Variants in ACOT2 observed in about 807,000 individuals in gnomAD.
ACOT2 encodes the protein acyl-CoA thioesterase 2.
Under a neutral mutation model 20.1 loss-of-function variants are expected in ACOT2, and 15 were observed. The observed-to-expected ratio is 0.75, with a 90% CI of 0.50 to 1.15. The LOEUF (loss-of-function observed/expected upper bound fraction) is 1.15. Ranked by LOEUF, ACOT2 falls within the 50% of genes most tolerant of loss-of-function variation. The pLI, the probability that ACOT2 is intolerant of heterozygous loss-of-function variation, is 0.00. For synonymous variants in ACOT2, 252 were observed against 268.4 expected (o/e 0.94, Z 0.60); for missense variants, 479 against 615.3 (o/e 0.78, Z 2.34).
At position 73,575,562 on chromosome 14, in the gene ACOT2, A is replaced by G. The variant is rs1566860946; in HGVS notation, c.*49A>G. On this transcript the variant is annotated 3_prime_UTR_variant, in exon 3 of 3. Transcript: ENST00000238651. Reference sequence around the variant, plus strand: ...TCTGTTGCTAATCTCTCCTGGAAACATCTGCCACATTTAGTGTGTGTATGT... The same window carrying G: ...TCTGTTGCTAATCTCTCCTGGAAACGTCTGCCACATTTAGTGTGTGTATGT... 6.5e-7 allele frequency: 1 copy of G among 1,540,768 alleles called. No homozygotes were observed. The highest frequency in any genetic ancestry group is 8.7e-7 in the Non-Finnish European group (1 of 1,147,412).
intron 1 of ACOT2, among the ~76,000 whole-genome samples, chr14:73,572,530 C>A (rs1889777128): frequency 6.6e-6 from 1 of 150,676 alleles, no homozygotes; most frequent in Admixed American, 6.6e-5. Flanking sequence ...CACAGAAAGT[C>A]CAGGATACTG....
Position 73,569,253 on chromosome 14 carries a change from C to A in ACOT2, c.13C>A (p.Leu5Ile), listed in dbSNP as rs1889656427. Residue 5 changes from leucine (L) to isoleucine (I), a missense_variant, in exon 1 of 3, where the codon CTT (leucine) becomes ATT (isoleucine). Leu to Ile is a conservative substitution (Grantham distance 5). Around this residue, in one of 4 missense-constraint regions of ACOT2, gnomAD observed 400 missense variants for 395.5 expected, o/e 1.01. Transcript: ENST00000238651. The part of the protein sequence containing the change: MSNK[L>I]LSPHPHSVVL... ...GCAGCCCGAGAGGATGTCTAACAAG[C>A]TTCTTTCTCCCCACCCCCATTCAGT... is the stretch of plus-strand genomic sequence containing the variant. The A allele has an allele frequency of 3.1e-6, 5 of 1,613,660 alleles. No individual in the cohort carries two copies. In the East Asian group the frequency reaches 1.1e-4, roughly 36 times the overall value.
In ACOT2 at chr14:73,573,516, C is replaced by A. The variant is rs1889808952; in HGVS notation, c.772C>A (p.Leu258Ile). ...MALAYYNYED[L>I]PKTMETLHLE... ...TCTGGCTTATTATAACTATGAAGAC[C>A]TCCCCAAGACCATGGAGACGCTCCA... Residue 258 changes from leucine (L) to isoleucine (I), a missense_variant, in exon 2 of 3, where the codon CTC (leucine) becomes ATC (isoleucine). Physicochemically the swap from Leu to Ile is conservative, Grantham distance 5. Coordinates refer to ENST00000238651, the MANE Select transcript of ACOT2 (RefSeq NM_006821.6). The A allele has an allele frequency of 6.2e-7, 1 of 1,613,454 alleles. No individual in the cohort carries two copies. The highest frequency in any genetic ancestry group is 1.3e-5 in the African/African-American group (1 of 74,842).
intron 1 of ACOT2, among the ~76,000 whole-genome samples, chr14:73,572,036 T>C (rs1237384826): frequency 6.6e-6 from 1 of 150,902 alleles, no homozygotes; most frequent in African/African-American, 2.4e-5. Context: ...TGCTGACCAG[T>C]ATGTGGAGGA....
rs767441751 is a variant in ACOT2 at position 73,569,874 on chromosome 14, C to T, written c.634C>T (p.Leu212=). ...RVGRVRGTLF[L]PPEPGPFPGI... is the part of the protein sequence containing the mutation. ...GGGCCGGGTGCGAGGCACGCTCTTCCTGCCGCCAGGTGACTCACCTCCGCT... is the reference window on the plus strand; with the variant it reads ...GGGCCGGGTGCGAGGCACGCTCTTCTTGCCGCCAGGTGACTCACCTCCGCT... Residue 212 remains leucine (L), a synonymous_variant, in exon 1 of 3, where the codon CTG becomes TTG. Coordinates refer to ENST00000238651, the MANE Select transcript of ACOT2 (RefSeq NM_006821.6). The T allele has an allele frequency of 7.5e-6, 12 of 1,604,412 alleles. No individual in the cohort carries two copies. Among genetic ancestry groups the T allele is most frequent in the Non-Finnish European group, 9.4e-6 (11 of 1,176,046 alleles).
intron 2 of ACOT2, among the ~76,000 whole-genome samples, chr14:73,574,667 G>A (rs1363035903): frequency 6.6e-6 from 1 of 152,028 alleles, no homozygotes; most frequent in Non-Finnish European, 1.5e-5. Flanking sequence ...CGAGATTAAG[G>A]AACTGAGAAA....
At chr14:73,570,990 T>TA (rs199868317) in intron 1 of ACOT2, among the ~76,000 whole-genome samples, 20 of 147,354 alleles carry the variant, frequency 1.4e-4, no homozygotes, top group African/African-American at 4.7e-4. Flanking sequence ...TTTTTTTTTT[T>TA]AAATAAGAAT....
rs774234681 is a variant in ACOT2, at chr14:73,573,510, G to C, written c.766G>C (p.Glu256Gln). ...GATGGCTCTGGCTTATTATAACTATGAAGACCTCCCCAAGACCATGGAGAC... is the reference window on the plus strand; with the variant it reads ...GATGGCTCTGGCTTATTATAACTATCAAGACCTCCCCAAGACCATGGAGAC... ...AVMALAYYNY[E>Q]DLPKTMETLH... The change falls in exon 2 of 3, where the codon GAA becomes CAA. Residue 256 changes from glutamate (E) to glutamine (Q), a missense_variant. Coordinates refer to ENST00000238651, the MANE Select transcript of ACOT2 (RefSeq NM_006821.6). 1.5e-5 allele frequency: 25 copies of C among 1,613,638 alleles called. No homozygotes were observed. Among genetic ancestry groups the C allele is most frequent in the Non-Finnish European group, 1.6e-5 (19 of 1,179,694 alleles).
intron 1 of ACOT2, 100 bp downstream of exon 1, chr14:73,569,983 G>A: frequency 1.1e-5 from 16 of 1,448,550 alleles, no homozygotes; most frequent in East Asian, 2.5e-5. Flanking sequence ...CCCCCGCCGC[G>A]CCCCCGGGCT....
upstream of ACOT2, chr14:73,567,920 C>G (rs994708779): frequency 6.6e-6 from 1 of 152,120 alleles, no homozygotes; most frequent in Non-Finnish European, 1.5e-5. Context: ...CCGGACGCAT[C>G]TGAACATCAG....
Position 73,569,430 on chromosome 14 carries a change from G to T in ACOT2, c.190G>T (p.Ala64Ser). 1 of 1,613,930 alleles carries T rather than the reference G, an allele frequency of 6.2e-7. No homozygotes were observed. Among genetic ancestry groups the T allele is most frequent in the Non-Finnish European group, 8.5e-7 (1 of 1,179,794 alleles). ...GATCATTAGGGTTCCTGCTCGGATG[G>T]CGGCGACGCTGATCCTGGAGCCTGC... ...GQIIRVPARM[A>S]ATLILEPAGR... Residue 64 changes from alanine (A) to serine (S), a missense_variant, in exon 1 of 3, where the codon GCG becomes TCG. By Grantham distance (99) the Ala-to-Ser change is moderately conservative. This residue lies in a region of ACOT2 where 400 missense variants were observed against 395.5 expected (regional missense o/e 1.01). Transcript: ENST00000238651.
chr14:73,568,856 AG>A (rs1889649942), upstream of ACOT2, among the ~76,000 whole-genome samples: 1 of 152,070 alleles, frequency 6.6e-6, no homozygotes, highest in African/African-American at 2.4e-5. Flanking sequence ...AGAACACAAA[AG>A]CAAAACACCA....
Position 73,570,829 on chromosome 14 carries a change from C to T in ACOT2, c.643+946C>T, listed in dbSNP as rs530980093. On this transcript the variant is annotated intron_variant, in intron 1 of 2. Coordinates refer to ENST00000238651, the MANE Select transcript of ACOT2 (RefSeq NM_006821.6). ...TTGAGGCAGGAGAATCGCTGGAACC[C>T]GGGAGGCAGAGGTTGCAGTGAGCTG... Among the ~76,000 whole-genome samples the T allele has an allele frequency of 2.4e-4, 36 of 150,688 alleles. 1 individual carries two copies. The highest frequency in any genetic ancestry group is 8.3e-4 in the African/African-American group (34 of 40,978).
chr14:73,572,253 C>T (rs1348898198), intron 1 of ACOT2, among the ~76,000 whole-genome samples: 1 of 142,324 alleles, frequency 7.0e-6, no homozygotes, highest in Admixed American at 7.3e-5. Context: ...AACAATAGAA[C>T]AGATTAATAA....
Position 73,573,511 on chromosome 14 carries a change from A to C in ACOT2, c.767A>C (p.Glu256Ala). The stretch of plus-strand genomic sequence containing the variant: ...ATGGCTCTGGCTTATTATAACTATG[A>C]AGACCTCCCCAAGACCATGGAGACG... ...AVMALAYYNYEDLPKTMETLH... is the reference protein window; with the variant it reads ...AVMALAYYNYADLPKTMETLH... The change falls in exon 2 of 3, where the codon GAA becomes GCA. Residue 256 changes from glutamate (E) to alanine (A), a missense_variant. Physicochemically the swap from Glu to Ala is moderately radical, Grantham distance 107. Around this residue, in one of 4 missense-constraint regions of ACOT2, gnomAD observed 400 missense variants for 395.5 expected, o/e 1.01. Transcript: ENST00000238651. 6.2e-7 allele frequency: 1 copy of C among 1,613,524 alleles called. No individual in the cohort carries two copies. The highest frequency in any genetic ancestry group is 8.5e-7 in the Non-Finnish European group (1 of 1,179,696).
intron 1 of ACOT2, chr14:73,571,233 C>T (rs1350772131): frequency 6.5e-6 from 1 of 153,228 alleles, no homozygotes; most frequent in Non-Finnish European, 1.5e-5. Context: ...GGACCAGGTA[C>T]TATTGTGGCC....
intron 1 of ACOT2, chr14:73,571,747 A>C (rs1566859426): frequency 1.3e-5 from 2 of 152,148 alleles, no homozygotes; most frequent in South Asian, 4.2e-4. Context: ...TGGGGCCCAG[A>C]AATGTTCTTT....
chr14:73,573,455 T>C lies in ACOT2; in HGVS notation c.711T>C (p.Ala237=). 1.2e-6 allele frequency: 2 copies of C among 1,613,800 alleles called. No homozygotes were observed. Among genetic ancestry groups the C allele is most frequent in the Non-Finnish European group, 1.7e-6 (2 of 1,179,736 alleles). The change falls in exon 2 of 3, where the codon GCT becomes GCC. Residue 237 remains alanine, a synonymous_variant. Transcript: ENST00000238651. ...GAGGTGGCCTGCTGGAGTATCGGGC[T>C]AGTCTGCTGGCTGGGAAGGGTTTTG... ...GTGGGLLEYR[A]SLLAGKGFAV... is the part of the protein sequence containing the mutation.
At chr14:73,568,952 G>A, upstream of ACOT2, 2 of 482,674 alleles carry the variant, frequency 4.1e-6, no homozygotes, top group Non-Finnish European at 7.5e-6. Flanking sequence ...CTCCAGCTCT[G>A]CATTCCTCTT....
Sources: allele counts gnomAD v4.1 joint callset (sites outside exome capture counted in the v4.1 genomes callset), GRCh38; gene constraint gnomAD v4.1.1; regional missense constraint gnomAD v4.1.1; transcripts MANE v1.5; gene names NCBI Gene and HGNC (gene_info 2026-07-23, HGNC 2026-07-21).